MYO1G: variants seen among roughly 807,000 people sequenced by gnomAD.
The protein encoded by MYO1G is unconventional myosin-Ig.
MYO1G carries 65 observed loss-of-function variants against 115.3 expected under a neutral mutation model. That is an observed-to-expected ratio of 0.56 (90% confidence interval 0.46 to 0.69). The LOEUF (loss-of-function observed/expected upper bound fraction) is 0.69. MYO1G is among the 30% of genes least tolerant of loss of function. The probability of loss-of-function intolerance (pLI) is 0.00; values close to 1 mark genes in which losing one functional copy is unlikely to be tolerated. For synonymous variants in MYO1G, 510 were observed against 552.6 expected (o/e 0.92, Z 1.08); for missense variants, 1,204 against 1,393.5 (o/e 0.86, Z 2.16).
Position 44,969,587 on chromosome 7 carries a change from G to T in MYO1G, c.1504-104C>A. The stretch of plus-strand genomic sequence containing the variant: ...CCAGGGCAGAGAAGGTTGCCACAGT[G>T]ACGACAATGGCACCAAAGCTGGGTC... On this transcript the variant is annotated intron_variant, in intron 11 of 21. Coordinates refer to ENST00000258787, the MANE Select transcript of MYO1G (RefSeq NM_033054.3). This position sits in a 1 kb window ranked among gnomAD's most constrained non-coding sequence, Gnocchi z 5.0. 6.4e-7 allele frequency: 1 copy of T among 1,569,050 alleles called. No homozygotes were observed. The highest frequency in any genetic ancestry group is 8.8e-7 in the Non-Finnish European group (1 of 1,142,526).
chr7:44,966,751 A>G lies in MYO1G; in HGVS notation c.1870T>C (p.Tyr624His). ...CTCACATTCTCCAGCAGCCCCAGGT[A>G]TGCGACCTGGTGGCGACAGTGGTTC... ...DENHCRHQVA[Y>H]LGLLENVRVR... Residue 624 changes from tyrosine to histidine, a missense_variant, in exon 15 of 22, where the codon TAC (tyrosine) becomes CAC (histidine). Transcript: ENST00000258787. The surrounding 1 kb of genome is among the most constrained non-coding windows in gnomAD (Gnocchi z 5.0). 6.2e-7 allele frequency: 1 copy of G among 1,613,550 alleles called. No homozygotes were observed. Among genetic ancestry groups the G allele is most frequent in the Non-Finnish European group, 8.5e-7 (1 of 1,179,990 alleles).
Position 44,966,274 on chromosome 7 carries a change from C to T in MYO1G, c.1956G>A (p.Lys652=). ...TGGGCCATGTGTATTCACAGGTCAT[C>T]TTGTACCTGTCACCACAGGACAGGG... ...QPYSRFLLRY[K]MTCEYTWPNH... is the part of the protein sequence containing the mutation. The change falls in exon 16 of 22, where the codon AAG becomes AAA. Residue 652 remains lysine, a synonymous_variant. Coordinates refer to ENST00000258787, the MANE Select transcript of MYO1G (RefSeq NM_033054.3). This position sits in a 1 kb window ranked among gnomAD's most constrained non-coding sequence, Gnocchi z 5.0. The T allele has an allele frequency of 1.2e-6, 2 of 1,604,944 alleles. No individual in the cohort carries two copies. Among genetic ancestry groups the T allele is most frequent in the East Asian group, 2.2e-5 (1 of 44,588 alleles).
chr7:44,973,981 G>A (rs1795005283), intron 5 of MYO1G: 1 of 151,772 alleles, frequency 6.6e-6, no homozygotes, highest in South Asian at 2.1e-4. Flanking sequence ...AGTGTCTCAG[G>A]GAGCTTTTAC....
intron 14 of MYO1G, among the ~76,000 whole-genome samples, chr7:44,967,190 C>T (rs1189536562): frequency 6.6e-6 from 1 of 152,264 alleles, no homozygotes; most frequent in Non-Finnish European, 1.5e-5. Flanking sequence ...CCTGACCCTT[C>T]ACCTGTTCCT....
chr7:44,964,021 C>T lies in MYO1G; in HGVS notation c.2745+28G>A, dbSNP rs901761233. The T allele has an allele frequency of 2.0e-6, 3 of 1,531,562 alleles. No individual in the cohort carries two copies. Among genetic ancestry groups the T allele is most frequent in the Non-Finnish European group, 2.7e-6 (3 of 1,127,504 alleles). 94.9% of individuals were successfully genotyped at this position (1,531,562 alleles called of 1,614,324 possible). A position where few individuals can be genotyped will look rare whatever the true frequency, so the allele number is the denominator to read the frequency against. ...CCAGCAGTGCCCCTCACAGATGCTG[C>T]ACCCTACTCCCCACCCACATTGCTC... On this transcript the variant is annotated intron_variant, in intron 20 of 21. Transcript: ENST00000258787. The surrounding 1 kb of genome is among the most constrained non-coding windows in gnomAD (Gnocchi z 5.1).
chr7:44,966,137 G>A lies in MYO1G; in HGVS notation c.2093C>T (p.Thr698Ile), dbSNP rs754927435. Residue 698 changes from threonine to isoleucine, a missense_variant, in exon 16 of 22, where the codon ACA (threonine) becomes ATA (isoleucine). Transcript: ENST00000258787. The surrounding 1 kb of genome is among the most constrained non-coding windows in gnomAD (Gnocchi z 5.0). The part of the protein sequence containing the change: ...HSKLFIRSPR[T>I]LVTLEQSRAR... The stretch of plus-strand genomic sequence containing the variant: ...TCGGCTCTGCTCCAGTGTGACCAGT[G>A]TCCGGGGTGAGCGGATGAACAGCTT... The A allele has an allele frequency of 1.9e-6, 3 of 1,613,184 alleles. No homozygotes were observed. The highest frequency in any genetic ancestry group is 2.5e-6 in the Non-Finnish European group (3 of 1,180,010).
At position 44,964,899 on chromosome 7, in the gene MYO1G, G is replaced by A. The variant is rs753190531; in HGVS notation, c.2526+46C>T. ...ACAGCATTAGCCGAGAGCCCTCTTT[G>A]GCAGCCCACTTCCCCCTGGCAGCCC... On this transcript the variant is annotated intron_variant, in intron 18 of 21. Coordinates refer to ENST00000258787, the MANE Select transcript of MYO1G (RefSeq NM_033054.3). The surrounding 1 kb of genome is among the most constrained non-coding windows in gnomAD (Gnocchi z 5.1). 1.9e-6 allele frequency: 3 copies of A among 1,569,308 alleles called. No homozygotes were observed. In the Admixed American group the frequency reaches 5.3e-5, roughly 28 times the overall value.
rs150624886 is a variant in MYO1G at position 44,978,563 on chromosome 7, C to T, written c.95+304G>A. Among the ~76,000 whole-genome samples, 1,068 of 152,318 alleles carry T rather than the reference C, an allele frequency of 7.0e-3. 57 individuals carry two copies. Among genetic ancestry groups the T allele is most frequent in the Admixed American group, 0.058 (894 of 15,308 alleles). ...AAGAAGTGTCATGCCCTGGCCCCGT[C>T]GGGCAGGAAAGAAGGGGCAGAAGAT... On this transcript the variant is annotated intron_variant, in intron 1 of 21. Transcript: ENST00000258787.
In MYO1G at chr7:44,965,780, G is replaced by T. The variant is rs768794653; in HGVS notation, c.2238C>A (p.His746Gln). 6.2e-7 allele frequency: 1 copy of T among 1,606,630 alleles called. No individual in the cohort carries two copies. The highest frequency in any genetic ancestry group is 2.2e-5 in the East Asian group (1 of 44,874). Residue 746 changes from histidine (H) to glutamine (Q), a missense_variant, in exon 17 of 22, where the codon CAC becomes CAA. Transcript: ENST00000258787. ...GCTCAGCCAGGTGAGCCCGCACCTTGTGTCTCCGGAACCAGCGCATGATGG... is the reference window on the plus strand; with the variant it reads ...GCTCAGCCAGGTGAGCCCGCACCTTTTGTCTCCGGAACCAGCGCATGATGG... ...IYTIMRWFRR[H>Q]KVRAHLAELQ...
In MYO1G at chr7:44,962,926, C is replaced by T. The variant is rs1160966851; in HGVS notation, c.2901-31G>A. ...GCAGGAGGAGGGGTCAGGGCGGCCA[C>T]GCGGCCGGGGCTTCGTGCCCGCTAC... On this transcript the variant is annotated intron_variant, in intron 21 of 21. Coordinates refer to ENST00000258787, the MANE Select transcript of MYO1G (RefSeq NM_033054.3). This position sits in a 1 kb window ranked among gnomAD's most constrained non-coding sequence, Gnocchi z 5.3. The T allele has an allele frequency of 2.0e-6, 3 of 1,500,730 alleles. No individual in the cohort carries two copies. The highest frequency in any genetic ancestry group is 1.3e-5 in the South Asian group (1 of 78,694). 93.0% of individuals were successfully genotyped at this position (1,500,730 alleles called of 1,614,324 possible).
chr7:44,974,982 C>T (rs879696871), intron 5 of MYO1G, 192 bp downstream of exon 5: 1 of 675,718 alleles, frequency 1.5e-6, no homozygotes, highest in Non-Finnish European at 2.7e-6. Flanking sequence ...GCAAGTCACA[C>T]CCTCTTGTTT....
chr7:44,975,475 C>A lies in MYO1G; in HGVS notation c.564+9G>T, dbSNP rs1174513536. The A allele has an allele frequency of 6.2e-7, 1 of 1,603,152 alleles. No individual in the cohort carries two copies. Among genetic ancestry groups the A allele is most frequent in the Non-Finnish European group, 8.5e-7 (1 of 1,173,142 alleles). On this transcript the variant is annotated intron_variant, in intron 4 of 21. Transcript: ENST00000258787. ...TCCCCATGGAGGTCTCCTCAGCCCACCTGCCCACCTTCTCCAGTAGGTAGC... is the reference window on the plus strand; with the variant it reads ...TCCCCATGGAGGTCTCCTCAGCCCAACTGCCCACCTTCTCCAGTAGGTAGC...
Position 44,966,053 on chromosome 7 carries a change from T to C in MYO1G, c.2157+20A>G. 1.2e-6 allele frequency: 2 copies of C among 1,607,580 alleles called. No individual in the cohort carries two copies. The highest frequency in any genetic ancestry group is 2.2e-5 in the South Asian group (2 of 91,014). On this transcript the variant is annotated intron_variant, in intron 16 of 21. Transcript: ENST00000258787. This position sits in a 1 kb window ranked among gnomAD's most constrained non-coding sequence, Gnocchi z 5.0. ...TTCCCCACCTCCATAGTGGATGTCT[T>C]CCTGCCCCGCCCACCTCACCTTCTG...
At chr7:44,975,434 G>A in intron 4 of MYO1G, 50 bp downstream of exon 4, 1 of 1,574,980 alleles carries the variant, frequency 6.3e-7, no homozygotes, top group Non-Finnish European at 8.7e-7. Flanking sequence ...GGCCTGGGAT[G>A]GGTCTCGGCC....
In MYO1G at chr7:44,969,196, AATGCAGCC is replaced by A; in HGVS notation, c.1574+209_1574+216del. ...GGTATTTTTTAAAGGCTCCCAGAAG[AATGCAGCC>A]ATGGTTAACCACTATCCTCAAACCC... On this transcript the variant is annotated intron_variant, in intron 12 of 21. Transcript: ENST00000258787. This position sits in a 1 kb window ranked among gnomAD's most constrained non-coding sequence, Gnocchi z 5.0. 1.8e-6 allele frequency: 1 copy of A among 556,560 alleles called. No individual in the cohort carries two copies. Among genetic ancestry groups the A allele is most frequent in the Non-Finnish European group, 3.3e-6 (1 of 306,744 alleles). The allele number at this position is 556,560 out of a possible 1,614,324, so 34.5% of individuals were successfully genotyped here.
chr7:44,969,270 T>C lies in MYO1G; in HGVS notation c.1574+143A>G. 1.3e-6 allele frequency: 1 copy of C among 749,112 alleles called. No homozygotes were observed. The highest frequency in any genetic ancestry group is 1.5e-5 in the South Asian group (1 of 66,524). 46.4% of individuals were successfully genotyped at this position (749,112 alleles called of 1,614,324 possible). On this transcript the variant is annotated intron_variant, in intron 12 of 21. Transcript: ENST00000258787. The surrounding 1 kb of genome is among the most constrained non-coding windows in gnomAD (Gnocchi z 5.0). Reference sequence around the variant, plus strand: ...ACTTGTGAATCTGCTGTCCGGCATGTTTCAGTGTCTTAAAGGGGTGGGGGT... The same window carrying C: ...ACTTGTGAATCTGCTGTCCGGCATGCTTCAGTGTCTTAAAGGGGTGGGGGT...
Position 44,971,759 on chromosome 7 carries a change from C to T in MYO1G, c.760G>A (p.Ala254Thr), listed in dbSNP as rs1158645708. ...ATGACCCTCATGGCCTCGGTCACTGCCTGGTGGCTCTGCTCATCACTGTCC... is the reference window on the plus strand; with the variant it reads ...ATGACCCTCATGGCCTCGGTCACTGTCTGGTGGCTCTGCTCATCACTGTCC... The part of the protein sequence containing the change: ...ALDSDEQSHQ[A>T]VTEAMRVIGF... Residue 254 changes from alanine (A) to threonine (T), a missense_variant, in exon 7 of 22, where the codon GCA becomes ACA. Transcript: ENST00000258787. 3 of 1,555,878 alleles carry T rather than the reference C, an allele frequency of 1.9e-6. No individual in the cohort carries two copies. The Admixed American group carries it at 5.8e-5, about 30-fold the overall frequency.
chr7:44,963,131 G>A lies in MYO1G; in HGVS notation c.2746-7C>T, dbSNP rs923456437. On this transcript the variant is annotated splice_region_variant and splice_polypyrimidine_tract_variant and intron_variant, in intron 20 of 21. Transcript: ENST00000258787. The surrounding 1 kb of genome is among the most constrained non-coding windows in gnomAD (Gnocchi z 4.1). ...TCACGCTCAGCCCCGTCACCTGAGC[G>A]GAGCGCGGGGTCAGAGTGCAGCCGC... The A allele has an allele frequency of 1.4e-6, 2 of 1,450,102 alleles. No homozygotes were observed. The highest frequency in any genetic ancestry group is 9.0e-7 in the Non-Finnish European group (1 of 1,105,644). The allele number at this position is 1,450,102 out of a possible 1,614,324, so 89.8% of individuals were successfully genotyped here. A position where few individuals can be genotyped will look rare whatever the true frequency, so the allele number is the denominator to read the frequency against.
rs779817442 is a variant in MYO1G at position 44,966,762 on chromosome 7, T to G, written c.1859A>C (p.His620Pro). Residue 620 changes from histidine (H) to proline (P), a missense_variant, in exon 15 of 22, where the codon CAC becomes CCC. By Grantham distance (77) the His-to-Pro change is moderately conservative. Coordinates refer to ENST00000258787, the MANE Select transcript of MYO1G (RefSeq NM_033054.3). The surrounding 1 kb of genome is among the most constrained non-coding windows in gnomAD (Gnocchi z 5.0). ...CAGCAGCCCCAGGTATGCGACCTGG[T>G]GGCGACAGTGGTTCTCATCCAGCTT... ...AGKLDENHCR[H>P]QVAYLGLLEN... 1 of 1,613,588 alleles carries G rather than the reference T, an allele frequency of 6.2e-7. No homozygotes were observed. Among genetic ancestry groups the G allele is most frequent in the Non-Finnish European group, 8.5e-7 (1 of 1,179,984 alleles).
Sources: gnomAD v4.1 joint callset for allele counts (sites outside exome capture counted in the v4.1 genomes callset) on GRCh38, gnomAD v4.1.1 for gene constraint, Gnocchi (gnomAD v3.1) non-coding constraint, MANE v1.5 for transcripts, NCBI Gene and HGNC (gene_info 2026-07-23, HGNC 2026-07-21) for gene names.